JAKMIP1: variants seen among roughly 807,000 people sequenced by gnomAD.
JAKMIP1 encodes janus kinase and microtubule interacting protein 1.
Under a neutral mutation model 113.0 loss-of-function variants are expected in JAKMIP1, and 33 were observed. That is an observed-to-expected ratio of 0.29 (90% CI 0.22 to 0.39). The LOEUF is 0.39. Among genes scored for constraint, JAKMIP1 ranks in the 10% least tolerant of loss-of-function variants. The probability of loss-of-function intolerance (pLI) is 1.00; values close to 1 mark genes in which losing one functional copy is unlikely to be tolerated. For missense variants in JAKMIP1, 813 were observed against 1,080.5 expected, an observed-to-expected ratio of 0.75 and a Z score of 3.47; for synonymous variants, 480 against 459.9, an observed-to-expected ratio of 1.04 and a Z score of -0.56.
chr4:6,120,966 G>A (rs1041303806), intron 1 of JAKMIP1, among the ~76,000 whole-genome samples: 6 of 152,146 alleles, frequency 3.9e-5, no homozygotes, highest in Non-Finnish European at 7.4e-5. Flanking sequence ...TTGGGAGGCC[G>A]AGGCAAGCGG....
Position 6,136,891 on chromosome 4 carries a change from T to A in JAKMIP1, c.-147-23894A>T, listed in dbSNP as rs1216776374. Among the ~76,000 whole-genome samples, 1 of 152,152 alleles carries A rather than the reference T, an allele frequency of 6.6e-6. No individual in the cohort carries two copies. Among genetic ancestry groups the A allele is most frequent in the African/African-American group, 2.4e-5 (1 of 41,446 alleles). On this transcript the variant is annotated intron_variant, in intron 1 of 20. Coordinates refer to ENST00000409021, the MANE Select transcript of JAKMIP1 (RefSeq NM_001099433.2). The surrounding 1 kb of genome is among the most constrained non-coding windows in gnomAD (Gnocchi z 5.9). ...CACATAACAGGCATTTAGACACAGT[T>A]GCGTTGAAGTTTGGCAAGCGCATGG...
intron 3 of JAKMIP1, among the ~76,000 whole-genome samples, chr4:6,090,859 T>C (rs1467148): frequency 0.99 from 148,706 of 150,422 alleles, 73,523 homozygotes; most frequent in Middle Eastern, 1. Flanking sequence ...TTAACCATGA[T>C]GCCCTTAGAG....
At chr4:6,063,572 G>A (rs1039640589) in intron 9 of JAKMIP1, among the ~76,000 whole-genome samples, 10 of 152,186 alleles carry the variant, frequency 6.6e-5, no homozygotes, top group African/African-American at 1.2e-4. Flanking sequence ...CTCTCCCAGT[G>A]TGAGAAAGGA....
intron 3 of JAKMIP1, among the ~76,000 whole-genome samples, chr4:6,105,171 T>C (rs558235238): frequency 2.0e-5 from 3 of 152,372 alleles, no homozygotes; most frequent in Non-Finnish European, 4.4e-5. Flanking sequence ...AGTCTGCTCA[T>C]GGTTGTTGAA....
At chr4:6,035,801 T>G (rs1713343317) in intron 19 of JAKMIP1, 103 bp downstream of exon 19, 8 of 995,684 alleles carry the variant, frequency 8.0e-6, no homozygotes, top group Non-Finnish European at 1.2e-5. Flanking sequence ...CAACTCTCCC[T>G]GGAATGAGCC....
intron 5 of JAKMIP1, among the ~76,000 whole-genome samples, chr4:6,082,958 A>G (rs754881935): frequency 1.1e-4 from 17 of 152,212 alleles, no homozygotes; most frequent in Admixed American, 2.6e-4. Context: ...TGAGGTGAAA[A>G]AAGCAAGTTG....
rs1719670659 is a variant in JAKMIP1 at position 6,076,197 on chromosome 4, T to TA, written c.1302+2741dup. Reference sequence around the variant, plus strand: ...ATCTCAAAAAAAATTAGTAAATAAATAAAAAATAAAATAAACAAACAAACA... The same window carrying TA: ...ATCTCAAAAAAAATTAGTAAATAAATAAAAAAATAAAATAAACAAACAAACA... On this transcript the variant is annotated intron_variant, in intron 8 of 20. Transcript: ENST00000409021. The surrounding 1 kb of genome is among the most constrained non-coding windows in gnomAD (Gnocchi z 4.8). Among the ~76,000 whole-genome samples, 1 of 151,998 alleles carries TA rather than the reference T, an allele frequency of 6.6e-6. No homozygotes were observed. Among genetic ancestry groups the TA allele is most frequent in the Non-Finnish European group, 1.5e-5 (1 of 68,010 alleles).
intron 13 of JAKMIP1, among the ~76,000 whole-genome samples, chr4:6,052,327 C>G (rs1715761947): frequency 6.6e-6 from 1 of 151,952 alleles, no homozygotes; most frequent in Non-Finnish European, 1.5e-5. Context: ...AAGTGGCCCC[C>G]AAAACTCAGA....
intron 20 of JAKMIP1, among the ~76,000 whole-genome samples, chr4:6,027,345 T>C (rs1189217454): frequency 1.3e-5 from 2 of 152,244 alleles, no homozygotes; most frequent in East Asian, 3.9e-4. Flanking sequence ...TGTAGGATCA[T>C]TGGAAGTCAG....
chr4:6,076,298 C>T lies in JAKMIP1; in HGVS notation c.1302+2641G>A, dbSNP rs948034100. Among the ~76,000 whole-genome samples, 3 of 152,242 alleles carry T rather than the reference C, an allele frequency of 2.0e-5. No individual in the cohort carries two copies. The highest frequency in any genetic ancestry group is 4.1e-4 in the South Asian group (2 of 4,820). Reference sequence around the variant, plus strand: ...AATGTCAATGTGCAGAAATTTGCCCCGTGTTCGACTTGGCTTGGTGGGAAA... The same window carrying T: ...AATGTCAATGTGCAGAAATTTGCCCTGTGTTCGACTTGGCTTGGTGGGAAA... On this transcript the variant is annotated intron_variant, in intron 8 of 20. Transcript: ENST00000409021. The surrounding 1 kb of genome is among the most constrained non-coding windows in gnomAD (Gnocchi z 4.8).
In JAKMIP1 at chr4:6,044,959, C is replaced by T. The variant is rs996446983; in HGVS notation, c.2029-2732G>A. On this transcript the variant is annotated intron_variant, in intron 16 of 20. Transcript: ENST00000409021. The surrounding 1 kb of genome is among the most constrained non-coding windows in gnomAD (Gnocchi z 4.4). ...TCAGGCTGGGGAGGAGAAGTGAGTC[C>T]ACTCACAGGGAGGTGCTGATGAACT... Among the ~76,000 whole-genome samples the T allele has an allele frequency of 8.5e-5, 13 of 152,318 alleles. No individual in the cohort carries two copies. Among genetic ancestry groups the T allele is most frequent in the Admixed American group, 7.2e-4 (11 of 15,302 alleles).
intron 16 of JAKMIP1, among the ~76,000 whole-genome samples, chr4:6,043,048 C>T (rs1714541567): frequency 6.6e-6 from 1 of 152,052 alleles, no homozygotes; most frequent in South Asian, 2.1e-4. Context: ...GAAGTCCAGG[C>T]CAGCACAGGG....
rs951207051 is a variant in JAKMIP1 at position 6,044,816 on chromosome 4, C to T, written c.2029-2589G>A. Among the ~76,000 whole-genome samples the T allele has an allele frequency of 6.6e-5, 10 of 152,320 alleles. No homozygotes were observed. Among genetic ancestry groups the T allele is most frequent in the African/African-American group, 2.2e-4 (9 of 41,576 alleles). On this transcript the variant is annotated intron_variant, in intron 16 of 20. Transcript: ENST00000409021. This position sits in a 1 kb window ranked among gnomAD's most constrained non-coding sequence, Gnocchi z 4.4. Reference sequence around the variant, plus strand: ...AGAGAGAGCTGGCCATGAGGACCCCCGACCACGTGAGATCAGAAATTTAAT... The same window carrying T: ...AGAGAGAGCTGGCCATGAGGACCCCTGACCACGTGAGATCAGAAATTTAAT...
rs1252346404 is a variant in JAKMIP1, at chr4:6,141,462, A to C, written c.-147-28465T>G. Among the ~76,000 whole-genome samples, 1 of 152,110 alleles carries C rather than the reference A, an allele frequency of 6.6e-6. No individual in the cohort carries two copies. The highest frequency in any genetic ancestry group is 2.4e-5 in the African/African-American group (1 of 41,424). On this transcript the variant is annotated intron_variant, in intron 1 of 20. Coordinates refer to ENST00000409021, the MANE Select transcript of JAKMIP1 (RefSeq NM_001099433.2). The surrounding 1 kb of genome is among the most constrained non-coding windows in gnomAD (Gnocchi z 9.4). ...AAATAAATAAATAAATAAATACCAA[A>C]AAACAAACAAACAAACACAAAAAAC...
In JAKMIP1 at chr4:6,194,970, C is replaced by A. The variant is rs933418948; in HGVS notation, c.-148+5283G>T. On this transcript the variant is annotated intron_variant, in intron 1 of 20. Transcript: ENST00000409021. This position sits in a 1 kb window ranked among gnomAD's most constrained non-coding sequence, Gnocchi z 7.4. ...TGGGCGGTGGTGCCCAACAAAGGGA[C>A]CCGCCACTGCAGCTGCTGTCCACGG... Among the ~76,000 whole-genome samples, 2 of 152,100 alleles carry A rather than the reference C, an allele frequency of 1.3e-5. No individual in the cohort carries two copies. The highest frequency in any genetic ancestry group is 2.9e-5 in the Non-Finnish European group (2 of 68,020).
At chr4:6,072,854 A>C (rs1238906221) in intron 8 of JAKMIP1, among the ~76,000 whole-genome samples, 2 of 152,104 alleles carry the variant, frequency 1.3e-5, no homozygotes, top group Non-Finnish European at 2.9e-5. Flanking sequence ...CGAGGCAGGC[A>C]GGTCACTTGA....
chr4:6,126,035 A>AAC (rs781526739), intron 1 of JAKMIP1, among the ~76,000 whole-genome samples: 1 of 149,058 alleles, frequency 6.7e-6, no homozygotes. Context: ...ACCATGCAGA[A>AAC]ACACACACAC....
chr4:6,040,358 G>T lies in JAKMIP1; in HGVS notation c.2175+281C>A, dbSNP rs1357778696. The stretch of plus-strand genomic sequence containing the variant: ...TATTTAAGTAAAATCAAACATAAAA[G>T]AAATATAGTTTCTTCTCATTCATCT... On this transcript the variant is annotated intron_variant, in intron 18 of 20. Coordinates refer to ENST00000409021, the MANE Select transcript of JAKMIP1 (RefSeq NM_001099433.2). This position sits in a 1 kb window ranked among gnomAD's most constrained non-coding sequence, Gnocchi z 5.8. 6.6e-6 allele frequency among the ~76,000 whole-genome samples: 1 copy of T among 152,132 alleles called. No homozygotes were observed. Among genetic ancestry groups the T allele is most frequent in the Non-Finnish European group, 1.5e-5 (1 of 68,020 alleles).
In JAKMIP1 at chr4:6,069,585, CA is replaced by C. The variant is rs1256023752; in HGVS notation, c.1303-4578del. 3.3e-5 allele frequency among the ~76,000 whole-genome samples: 5 copies of C among 151,934 alleles called. No homozygotes were observed. The highest frequency in any genetic ancestry group is 5.9e-5 in the Non-Finnish European group (4 of 68,010). On this transcript the variant is annotated intron_variant, in intron 8 of 20. Coordinates refer to ENST00000409021, the MANE Select transcript of JAKMIP1 (RefSeq NM_001099433.2). This position sits in a 1 kb window ranked among gnomAD's most constrained non-coding sequence, Gnocchi z 4.5. ...GCCACATAGTGAGAATCCATCTCTA[CA>C]AAAAGTTATTTAAAAAGTTAGCCGA...
Sources: gnomAD v4.1 joint callset for allele counts (sites outside exome capture counted in the v4.1 genomes callset) on GRCh38, gnomAD v4.1.1 for gene constraint, Gnocchi (gnomAD v3.1) non-coding constraint, MANE v1.5 for transcripts, NCBI Gene and HGNC (gene_info 2026-07-23, HGNC 2026-07-21) for gene names.